Variants in ZC3H12B observed in about 807,000 individuals in gnomAD.
The protein encoded by ZC3H12B is probable ribonuclease ZC3H12B.
In ZC3H12B, 7 loss-of-function variants were observed where a neutral mutation model predicts 43.9. That is an observed-to-expected ratio of 0.16 (90% confidence interval 0.09 to 0.30). The LOEUF is 0.30. Ranked by LOEUF, ZC3H12B falls within the 10% of genes least tolerant of loss-of-function variation. The probability of loss-of-function intolerance (pLI) is 1.00; values close to 1 mark genes in which losing one functional copy is unlikely to be tolerated. For synonymous variants in ZC3H12B, 222 were observed against 241.7 expected (o/e 0.92, Z 0.76); for missense variants, 475 against 670.2 (o/e 0.71, Z 3.22).
At chrX:65,148,094 G>C in the ZC3H12B span, among the ~76,000 whole-genome samples, 1 of 110,953 alleles carries the variant, frequency 9.0e-6, no homozygotes, top group African/African-American at 3.3e-5. Context: ...GGGCCAGCCT[G>C]GAGGATAGGG....
chrX:65,146,902 G>A, the ZC3H12B span, among the ~76,000 whole-genome samples: 1 of 111,466 alleles, frequency 9.0e-6, no homozygotes, highest in Non-Finnish European at 1.9e-5. Context: ...TTCAGCAGGG[G>A]TCTGTGGGTC....
At chrX:65,452,879 C>CACACACACACA (rs767117957) in intron 3 of ZC3H12B, among the ~76,000 whole-genome samples, 6 of 106,789 alleles carry the variant, frequency 5.6e-5, no homozygotes, top group African/African-American at 2.1e-4. Flanking sequence ...CACACACACA[C>CACACACACACA]CATGTTCATG....
the ZC3H12B span, among the ~76,000 whole-genome samples, chrX:65,306,887 A>C: frequency 1.8e-5 from 2 of 112,484 alleles, no homozygotes; most frequent in African/African-American, 6.5e-5. Flanking sequence ...GATAAATCTC[A>C]AGTAATTATG....
At chrX:65,117,919 A>G in the ZC3H12B span, among the ~76,000 whole-genome samples, 175 of 110,507 alleles carry the variant, frequency 1.6e-3, 1 homozygote, top group Non-Finnish European at 2.9e-3. Context: ...CCATTGGTTT[A>G]TATCTTTGTT....
the ZC3H12B span, among the ~76,000 whole-genome samples, chrX:65,090,024 A>C: frequency 8.9e-6 from 1 of 112,392 alleles, no homozygotes; most frequent in Non-Finnish European, 1.9e-5. Context: ...GATGGGGTAC[A>C]CTATAAATCA....
chrX:65,270,023 G>T, the ZC3H12B span, among the ~76,000 whole-genome samples: 1 of 111,377 alleles, frequency 9.0e-6, no homozygotes, highest in African/African-American at 3.3e-5. Flanking sequence ...CATAGAAATA[G>T]AACAAAATTC....
At chrX:65,129,712 A>G in the ZC3H12B span, among the ~76,000 whole-genome samples, 10 of 111,323 alleles carry the variant, frequency 9.0e-5, no homozygotes, top group South Asian at 3.8e-4. Flanking sequence ...TGTATTAATA[A>G]GAAAAATAAC....
At chrX:65,288,225 A>G in the ZC3H12B span, among the ~76,000 whole-genome samples, 3 of 111,038 alleles carry the variant, frequency 2.7e-5, no homozygotes, top group African/African-American at 9.8e-5. Flanking sequence ...TTCTACCAAA[A>G]TGTACAAAGA....
chrX:65,112,462 A>G, the ZC3H12B span, among the ~76,000 whole-genome samples: 6 of 112,047 alleles, frequency 5.4e-5, no homozygotes, highest in African/African-American at 1.9e-4. Flanking sequence ...TTCTATTGGA[A>G]GGAGCTGCCA....
At chrX:65,300,623 G>A in the ZC3H12B span, among the ~76,000 whole-genome samples, 4 of 110,749 alleles carry the variant, frequency 3.6e-5, no homozygotes. Context: ...GAAGACTATG[G>A]CCCTGCCCAT....
At chrX:65,317,921 A>T in the ZC3H12B span, among the ~76,000 whole-genome samples, 1 of 104,903 alleles carries the variant, frequency 9.5e-6, no homozygotes, top group Non-Finnish European at 1.9e-5. Context: ...CCACTGATTG[A>T]TTGATGGTCA....
At chrX:65,385,165 GT>G (rs1055545549) in intron 2 of ZC3H12B, among the ~76,000 whole-genome samples, 1 of 112,234 alleles carries the variant, frequency 8.9e-6, no homozygotes, top group Non-Finnish European at 1.9e-5. Context: ...CTTTAAAGTA[GT>G]TTTTTCCAAT....
chrX:65,246,684 T>C, the ZC3H12B span, among the ~76,000 whole-genome samples: 1 of 112,199 alleles, frequency 8.9e-6, no homozygotes, highest in East Asian at 2.8e-4. Context: ...TAAATAGTGC[T>C]GGGGAACTGG....
the ZC3H12B span, among the ~76,000 whole-genome samples, chrX:65,077,187 C>T: frequency 9.0e-6 from 1 of 111,505 alleles, no homozygotes; most frequent in African/African-American, 3.3e-5. Flanking sequence ...CCATTTATTC[C>T]CTACTAGTGC....
chrX:65,327,952 T>C, the ZC3H12B span: 25 of 160,945 alleles, frequency 1.6e-4, no homozygotes, highest in African/African-American at 6.5e-4. Flanking sequence ...AAAATATGTT[T>C]ACATAGATCC....
At chrX:65,383,692 A>G (rs575529602) in intron 2 of ZC3H12B, among the ~76,000 whole-genome samples, 3 of 110,895 alleles carry the variant, frequency 2.7e-5, no homozygotes, top group Non-Finnish European at 5.7e-5. Flanking sequence ...GAAAATTTTC[A>G]CAACCTACTC....
chrX:65,069,634 C>G, the ZC3H12B span, among the ~76,000 whole-genome samples: 1 of 111,768 alleles, frequency 8.9e-6, no homozygotes, highest in East Asian at 2.8e-4. Flanking sequence ...TGTCCTCCTA[C>G]TTTATTGAGA....
chrX:65,068,850 T>A, the ZC3H12B span, among the ~76,000 whole-genome samples: 3 of 111,447 alleles, frequency 2.7e-5, no homozygotes, highest in Non-Finnish European at 5.7e-5. Context: ...TGGGAAAGTC[T>A]TTTTTTCTCC....
intron 2 of ZC3H12B, among the ~76,000 whole-genome samples, chrX:65,498,765 A>G (rs996077172): frequency 8.9e-6 from 1 of 112,186 alleles, no homozygotes; most frequent in Non-Finnish European, 1.9e-5. Context: ...CTCAAATGTC[A>G]TTGAATCCAG....
Sources: allele counts gnomAD v4.1 joint callset (sites outside exome capture counted in the v4.1 genomes callset), GRCh38; gene constraint gnomAD v4.1.1; transcripts MANE v1.5; gene names NCBI Gene and HGNC (gene_info 2026-07-23, HGNC 2026-07-21).